The following ERLEC1 variants were observed in gnomAD, a reference collection of about 807,000 sequenced individuals.
ERLEC1 encodes the protein endoplasmic reticulum lectin 1, also known as ER lectin.
A neutral mutation model predicts 68.0 loss-of-function variants in ERLEC1; 47 were observed. The ratio of observed to expected loss-of-function variants is 0.69; its 90% CI spans 0.55 to 0.88. The LOEUF (loss-of-function observed/expected upper bound fraction) is 0.88, where lower values mean the gene tolerates loss of function less well. Ranked by LOEUF, ERLEC1 falls within the 40% of genes least tolerant of loss-of-function variation. The pLI, the probability that ERLEC1 is intolerant of heterozygous loss-of-function variation, is 0.00. For missense variants in ERLEC1, 567 were observed against 583.8 expected (o/e 0.97, Z 0.30); for synonymous variants, 225 against 203.2 (o/e 1.11, Z -0.91).
At chr2:53,817,137 T>A (rs1422834062) in intron 13 of ERLEC1, among the ~76,000 whole-genome samples, 2 of 116,606 alleles carry the variant, frequency 1.7e-5, no homozygotes, top group African/African-American at 6.9e-5. Context: ...TTTATTTACT[T>A]ATTTTTTTTT....
intron 13 of ERLEC1, among the ~76,000 whole-genome samples, chr2:53,815,945 G>C (rs1054891682): frequency 3.3e-5 from 5 of 152,016 alleles, no homozygotes; most frequent in Non-Finnish European, 7.4e-5. Flanking sequence ...CTTTGTATTT[G>C]TATTGCACAT....
intron 8 of ERLEC1, among the ~76,000 whole-genome samples, chr2:53,808,088 G>A (rs1457494776): frequency 2.0e-5 from 3 of 152,078 alleles, no homozygotes; most frequent in Non-Finnish European, 4.4e-5. Context: ...TCATGTTTAG[G>A]ATGGTCGTAA....
chr2:53,805,789 A>G (rs973135145), intron 8 of ERLEC1, among the ~76,000 whole-genome samples: 18 of 152,334 alleles, frequency 1.2e-4, no homozygotes, highest in African/African-American at 4.1e-4. Flanking sequence ...TTACCTTTCC[A>G]CACATCCTTG....
chr2:53,816,406 ACAGG>A (rs1417121778), intron 13 of ERLEC1, among the ~76,000 whole-genome samples: 2 of 151,158 alleles, frequency 1.3e-5, no homozygotes, highest in Admixed American at 1.3e-4. Flanking sequence ...AGCTGGTATT[ACAGG>A]CATATATGGT....
At chr2:53,817,810 A>G (rs1200133343) in intron 13 of ERLEC1, 88 bp from the exon 14 acceptor site, 3 of 736,202 alleles carry the variant, frequency 4.1e-6, no homozygotes, top group Non-Finnish European at 7.2e-6. Context: ...GCTTCTAGCA[A>G]ATATAACTAC....
chr2:53,793,777 T>G (rs1675542762), intron 1 of ERLEC1, among the ~76,000 whole-genome samples: 1 of 152,184 alleles, frequency 6.6e-6, no homozygotes, highest in African/African-American at 2.4e-5. Flanking sequence ...AACATTATTT[T>G]GTTCATTTAT....
chr2:53,789,104 A>C (rs920967698), intron 1 of ERLEC1, among the ~76,000 whole-genome samples: 14 of 152,120 alleles, frequency 9.2e-5, no homozygotes, highest in African/African-American at 3.1e-4. Context: ...TTTCAAAAAA[A>C]AAATGCTTTG....
At chr2:53,806,445 G>T (rs909059575) in intron 8 of ERLEC1, among the ~76,000 whole-genome samples, 2 of 152,078 alleles carry the variant, frequency 1.3e-5, no homozygotes, top group Non-Finnish European at 2.9e-5. Context: ...TATTAGTTTA[G>T]TCTGTTAGAC....
chr2:53,813,577 T>C (rs1676704190), intron 11 of ERLEC1, among the ~76,000 whole-genome samples: 1 of 152,220 alleles, frequency 6.6e-6, no homozygotes. Context: ...GAGTATACCT[T>C]GTCAAAACAC....
At position 53,787,115 on chromosome 2, in the gene ERLEC1, T is replaced by C; in HGVS notation, c.-96T>C. On this transcript the variant is annotated 5_prime_UTR_variant, in exon 1 of 14. Coordinates refer to ENST00000185150, the MANE Select transcript of ERLEC1 (RefSeq NM_015701.5). ...GGGCCGGTGATACCCGGGCGCTTTA[T>C]AGTCCCGCCGCCTCCTCCTCCACCT... 2 of 1,369,482 alleles carry C rather than the reference T, an allele frequency of 1.5e-6. No individual in the cohort carries two copies. The highest frequency in any genetic ancestry group is 1.9e-6 in the Non-Finnish European group (2 of 1,050,390). 84.8% of individuals were successfully genotyped at this position (1,369,482 alleles called of 1,614,324 possible). A position where few individuals can be genotyped will look rare whatever the true frequency, so the allele number is the denominator to read the frequency against.
intron 8 of ERLEC1, among the ~76,000 whole-genome samples, chr2:53,803,451 C>G (rs1047005367): frequency 2.6e-5 from 4 of 152,160 alleles, no homozygotes; most frequent in Non-Finnish European, 5.9e-5. Flanking sequence ...GGAAAAGATG[C>G]CAGTTTACTT....
At chr2:53,808,246 A>G in intron 8 of ERLEC1, 53 bp from the exon 9 acceptor site, 1 of 1,562,898 alleles carries the variant, frequency 6.4e-7, no homozygotes. Context: ...CATAACTGAA[A>G]AAAGAAATTA....
chr2:53,794,234 G>A (rs1220619906), intron 1 of ERLEC1, 111 bp from the exon 2 acceptor site: 1 of 513,976 alleles, frequency 1.9e-6, no homozygotes. Flanking sequence ...ATAATCATCT[G>A]TTGAAATGTT....
At chr2:53,815,539 A>G (rs1199428738) in intron 13 of ERLEC1, among the ~76,000 whole-genome samples, 2 of 152,186 alleles carry the variant, frequency 1.3e-5, no homozygotes, top group African/African-American at 4.8e-5. Flanking sequence ...GTCACTGCAG[A>G]AAGTTCTATC....
intron 1 of ERLEC1, among the ~76,000 whole-genome samples, chr2:53,790,288 A>T (rs1253760165): frequency 6.6e-6 from 1 of 151,888 alleles, no homozygotes; most frequent in Non-Finnish European, 1.5e-5. Context: ...AGTAGAGATG[A>T]GGTTTCACCA....
rs201722051 is a variant in ERLEC1, at chr2:53,809,245, A to C, written c.1073A>C (p.Tyr358Ser). ...GGTTGGTGGAAATATGAATTCTGCT[A>C]TGGCAAACATGTACATCAATACCAT... Reference protein sequence around the residue: ...GVGWWKYEFCYGKHVHQYHED... With the variant: ...GVGWWKYEFCSGKHVHQYHED... The change falls in exon 10 of 14, where the codon TAT (tyrosine) becomes TCT (serine). Residue 358 changes from tyrosine (Y) to serine (S), a missense_variant. Transcript: ENST00000185150. The C allele has an allele frequency of 6.5e-5, 103 of 1,579,058 alleles. No individual in the cohort carries two copies. Among genetic ancestry groups the C allele is most frequent in the Non-Finnish European group, 8.5e-5 (99 of 1,170,150 alleles).
At position 53,794,430 on chromosome 2, in the gene ERLEC1, T is replaced by A. The variant is rs1021833898; in HGVS notation, c.248T>A (p.Leu83His). 6.4e-7 allele frequency: 1 copy of A among 1,550,748 alleles called. No homozygotes were observed. Among genetic ancestry groups the A allele is most frequent in the African/African-American group, 1.4e-5 (1 of 72,926 alleles). ...HKEKYKCILP[L>H]VTSGDEEEEK... ...GAAAAATATAAATGCATACTTCCCC[T>A]TGTGACAAGTGGGGATGAGGTAAGT... Residue 83 changes from leucine (L) to histidine (H), a missense_variant, in exon 2 of 14, where the codon CTT becomes CAT. Leu to His is a moderately conservative substitution (Grantham distance 99). Transcript: ENST00000185150.
intron 8 of ERLEC1, 38 bp from the exon 9 acceptor site, chr2:53,808,261 T>G: frequency 6.4e-7 from 1 of 1,571,338 alleles, no homozygotes; most frequent in Non-Finnish European, 8.6e-7. Context: ...AAATTAAGTT[T>G]GGCATGGAAA....
intron 8 of ERLEC1, among the ~76,000 whole-genome samples, chr2:53,803,328 T>G (rs910814889): frequency 6.6e-6 from 1 of 151,930 alleles, no homozygotes; most frequent in Non-Finnish European, 1.5e-5. Flanking sequence ...ATTAAAAGAT[T>G]TGGGCTAGAA....
Sources: allele counts gnomAD v4.1 joint callset (sites outside exome capture counted in the v4.1 genomes callset), GRCh38; gene constraint gnomAD v4.1.1; transcripts MANE v1.5; gene names NCBI Gene and HGNC (gene_info 2026-07-23, HGNC 2026-07-21).